The following DNHD1 variants were observed in gnomAD, a reference collection of about 807,000 sequenced individuals.
DNHD1 encodes dynein heavy chain domain 1, also known as dynein heavy chain domain-containing protein 1.
DNHD1 carries 383 observed loss-of-function variants against 458.1 expected under a neutral mutation model. That is an observed-to-expected ratio of 0.84 (90% CI 0.77 to 0.91). The LOEUF (loss-of-function observed/expected upper bound fraction) is 0.91. Among genes scored for constraint, DNHD1 ranks in the 40% least tolerant of loss-of-function variants. The pLI is 0.00. For missense variants in DNHD1, 5,336 were observed against 5,866.1 expected, an observed-to-expected ratio of 0.91 and a Z score of 2.95; for synonymous variants, 2,203 against 2,376.9, an observed-to-expected ratio of 0.93 and a Z score of 2.13.
Position 6,557,976 on chromosome 11 carries a change from G to A in DNHD1, c.8681G>A (p.Gly2894Asp), listed in dbSNP as rs752268058. 3 of 1,551,530 alleles carry A rather than the reference G, an allele frequency of 1.9e-6. No homozygotes were observed. The highest frequency in any genetic ancestry group is 2.0e-5 in the Admixed American group (1 of 50,988). ...QHGLLLSGAL[G>D]TGRHTAITLA... ...GGCCTGCTGCTCTCGGGGGCTCTGG[G>A]TACTGGGCGCCACACTGCCATCACT... Residue 2894 changes from glycine to aspartate, a missense_variant, in exon 25 of 43, where the codon GGT becomes GAT. Gly to Asp is a moderately conservative substitution (Grantham distance 94, BLOSUM62 -1). Transcript: ENST00000254579.
chr11:6,547,668 T>C lies in DNHD1; in HGVS notation c.6727+2T>C. The C allele has an allele frequency of 2.6e-6, 4 of 1,515,806 alleles. No homozygotes were observed. Among genetic ancestry groups the C allele is most frequent in the Non-Finnish European group, 3.6e-6 (4 of 1,125,560 alleles). The allele number at this position is 1,515,806 out of a possible 1,614,324, so 93.9% of individuals were successfully genotyped here. A position where few individuals can be genotyped will look rare whatever the true frequency, so the allele number is the denominator to read the frequency against. On this transcript the variant is annotated splice_donor_variant, in intron 21 of 42. Coordinates refer to ENST00000254579, the MANE Select transcript of DNHD1 (RefSeq NM_144666.3). LOFTEE classifies it high-confidence loss of function. Reference sequence around the variant, plus strand: ...AGGAGGAGAAGGCCCCTGGCCCAGGTGGGAAGATGGACGGGCTGGTTTGAG... The same window carrying C: ...AGGAGGAGAAGGCCCCTGGCCCAGGCGGGAAGATGGACGGGCTGGTTTGAG...
intron 4 of DNHD1, 194 bp downstream of exon 4, chr11:6,503,120 A>G: frequency 5.6e-6 from 3 of 533,540 alleles, no homozygotes; most frequent in Non-Finnish European, 9.5e-6. Flanking sequence ...CCTCCCCTTC[A>G]CTCCCTGTTG....
chr11:6,553,918 A>G (rs1314122257), intron 24 of DNHD1, among the ~76,000 whole-genome samples: 2 of 152,108 alleles, frequency 1.3e-5, no homozygotes, highest in African/African-American at 2.4e-5. Flanking sequence ...TTCTCCCCCA[A>G]ATGATCTATA....
intron 18 of DNHD1, 40 bp from the exon 19 acceptor site, chr11:6,544,081 T>C (rs1468447108): frequency 6.5e-7 from 1 of 1,535,812 alleles, no homozygotes; most frequent in South Asian, 1.2e-5. Context: ...GCCCCGGCCC[T>C]TGCCTCATCT....
rs752019242 is a variant in DNHD1 at position 6,571,932 on chromosome 11, C to T, written c.14208C>T (p.Thr4736=). The change falls in exon 43 of 43, where the codon ACC becomes ACT. Residue 4736 remains threonine, a synonymous_variant. Transcript: ENST00000254579. This position sits in a 1 kb window ranked among gnomAD's most constrained non-coding sequence, Gnocchi z 5.0. ...VMHLPLPTKL[T]PNTCVQRRVH... is the part of the protein sequence containing the mutation. ...ATCTGCCTTTACCCACCAAGCTCAC[C>T]CCCAACACCTGTGTCCAAAGGAGGG... The T allele has an allele frequency of 1.2e-6, 2 of 1,613,838 alleles. No individual in the cohort carries two copies. Among genetic ancestry groups the T allele is most frequent in the East Asian group, 2.2e-5 (1 of 44,896 alleles).
At chr11:6,549,949 G>A (rs1415803650) in intron 24 of DNHD1, among the ~76,000 whole-genome samples, 1 of 152,200 alleles carries the variant, frequency 6.6e-6, no homozygotes, top group Admixed American at 6.5e-5. Context: ...CATGGGATTG[G>A]GAAGTGAATT....
chr11:6,512,578 G>A (rs1254207087), intron 7 of DNHD1, among the ~76,000 whole-genome samples: 4 of 151,956 alleles, frequency 2.6e-5, no homozygotes, highest in Admixed American at 6.6e-5. Context: ...GATTGCTCTG[G>A]TTGAAATCTT....
chr11:6,523,438 T>C (rs918553579), intron 10 of DNHD1, among the ~76,000 whole-genome samples: 3 of 151,994 alleles, frequency 2.0e-5, no homozygotes, highest in Admixed American at 6.6e-5. Flanking sequence ...GAAAGCAACC[T>C]TGGAGGTATG....
At chr11:6,515,778 CATTTTT>C (rs1332521339) in intron 7 of DNHD1, among the ~76,000 whole-genome samples, 30 of 137,550 alleles carry the variant, frequency 2.2e-4, no homozygotes, top group African/African-American at 8.1e-4. Flanking sequence ...TCTATAGACA[CATTTTT>C]TTTTTTTTTT....
At chr11:6,541,240 C>T (rs1422553752) in intron 18 of DNHD1, among the ~76,000 whole-genome samples, 1 of 152,086 alleles carries the variant, frequency 6.6e-6, no homozygotes. Context: ...TTGCCTATAC[C>T]TAATAGCATA....
intron 14 of DNHD1, among the ~76,000 whole-genome samples, chr11:6,536,790 A>C (rs932818359): frequency 1.3e-5 from 2 of 152,216 alleles, no homozygotes; most frequent in African/African-American, 4.8e-5. Flanking sequence ...TTTGGAGATG[A>C]TATCTCTGCT....
intron 28 of DNHD1, among the ~76,000 whole-genome samples, chr11:6,561,756 G>A (rs60369696): frequency 0.02 from 3,074 of 152,320 alleles, 118 homozygotes; most frequent in African/African-American, 0.07. Flanking sequence ...GATCTGATCA[G>A]TGTTTGAAAG....
Position 6,571,876 on chromosome 11 carries a change from G to C in DNHD1, c.14152G>C (p.Ala4718Pro). The C allele has an allele frequency of 6.2e-7, 1 of 1,614,020 alleles. No individual in the cohort carries two copies. The part of the protein sequence containing the change: ...PVYMGGPLGT[A>P]KLQSRNIVMH... The stretch of plus-strand genomic sequence containing the variant: ...GTACATGGGAGGGCCCCTTGGCACC[G>C]CTAAGCTGCAGAGCAGGAACATCGT... Residue 4718 changes from alanine to proline, a missense_variant, in exon 43 of 43, where the codon GCT becomes CCT. This residue lies in a region of DNHD1 where 698 missense variants were observed against 664.9 expected (regional missense o/e 1.05). Transcript: ENST00000254579. This position sits in a 1 kb window ranked among gnomAD's most constrained non-coding sequence, Gnocchi z 5.0.
Position 6,519,797 on chromosome 11 carries a change from G to A in DNHD1, c.1590G>A (p.Gln530=), listed in dbSNP as rs1178058167. The change falls in exon 8 of 43, where the codon CAG becomes CAA. Residue 530 remains glutamine, a synonymous_variant. Transcript: ENST00000254579. Reference sequence around the variant, plus strand: ...GCCTGGTTGACTACATGATTTGTCAGAGCCTCATTTCTGTCTTGGAAGAGC... The same window carrying A: ...GCCTGGTTGACTACATGATTTGTCAAAGCCTCATTTCTGTCTTGGAAGAGC... ...FARLVDYMIC[Q]SLISVLEEQI... 14 of 1,613,466 alleles carry A rather than the reference G, an allele frequency of 8.7e-6. No homozygotes were observed. Among genetic ancestry groups the A allele is most frequent in the Non-Finnish European group, 1.2e-5 (14 of 1,180,026 alleles).
chr11:6,519,564 C>A (rs1453704629), intron 7 of DNHD1, 36 bp from the exon 8 acceptor site: 1 of 1,610,190 alleles, frequency 6.2e-7, no homozygotes, highest in South Asian at 1.1e-5. Context: ...TGCTCTCCAT[C>A]CCCCTATCTG....
At position 6,544,709 on chromosome 11, in the gene DNHD1, T is replaced by C. The variant is rs1005916477; in HGVS notation, c.3852+38T>C. 5 of 1,545,466 alleles carry C rather than the reference T, an allele frequency of 3.2e-6. No homozygotes were observed. The African/African-American group carries it at 6.9e-5, about 21-fold the overall frequency. The stretch of plus-strand genomic sequence containing the variant: ...GTTGAGGCAGAGAGGGCAAGAAGGG[T>C]TCCTGAATAGCAGGGCTCAGCGTGG... On this transcript the variant is annotated intron_variant, in intron 20 of 42. Transcript: ENST00000254579.
intron 18 of DNHD1, 145 bp from the exon 19 acceptor site, chr11:6,543,976 A>G: frequency 1.3e-6 from 1 of 763,390 alleles, no homozygotes. Flanking sequence ...AAAAAAAAAA[A>G]AAAAAAAAAG....
chr11:6,543,878 T>C (rs1853150421), intron 18 of DNHD1, among the ~76,000 whole-genome samples: 1 of 145,996 alleles, frequency 6.8e-6, no homozygotes, highest in Non-Finnish European at 1.5e-5. Context: ...GGTGAATTGC[T>C]TGAACCCAGG....
rs376064043 is a variant in DNHD1 at position 6,540,067 on chromosome 11, C to T, written c.3612C>T (p.Gly1204=). 2.0e-4 allele frequency: 309 copies of T among 1,551,710 alleles called. 1 individual carries two copies. The African/African-American group carries it at 3.7e-3, about 18-fold the overall frequency. The change falls in exon 18 of 43, where the codon GGC becomes GGT. Residue 1204 remains glycine, a synonymous_variant. Transcript: ENST00000254579. ...PQWEVVDKDS[G]TFILSDYSNL... is the part of the protein sequence containing the mutation. ...GGGAGGTAGTGGACAAAGATAGTGG[C>T]ACCTTCATCCTCTCAGGTGAGACCC...
Sources: allele counts gnomAD v4.1 joint callset (sites outside exome capture counted in the v4.1 genomes callset), GRCh38; gene constraint gnomAD v4.1.1; regional missense constraint gnomAD v4.1.1; non-coding constraint Gnocchi (gnomAD v3.1); transcripts MANE v1.5; gene names NCBI Gene and HGNC (gene_info 2026-07-23, HGNC 2026-07-21).